Variants in TDRP observed in about 807,000 individuals in gnomAD.
TDRP encodes the protein testis development related protein.
In TDRP, 12 loss-of-function variants were observed where a neutral mutation model predicts 10.5. The observed-to-expected ratio is 1.15, with a 90% CI of 0.73 to 1.86. The LOEUF (loss-of-function observed/expected upper bound fraction) is 1.86, where lower values mean the gene tolerates loss of function less well. Among genes scored for constraint, TDRP ranks in the 40% most tolerant of loss-of-function variants. The probability of loss-of-function intolerance (pLI) is 0.00; values close to 1 mark genes in which losing one functional copy is unlikely to be tolerated. For synonymous variants in TDRP, 139 were observed against 95.4 expected (o/e 1.46, Z -2.67); for missense variants, 353 against 229.2 (o/e 1.54, Z -3.49).
At chr8:497,851 C>T (rs1176697114) in intron 1 of TDRP, among the ~76,000 whole-genome samples, 1 of 152,182 alleles carries the variant, frequency 6.6e-6, no homozygotes, top group Non-Finnish European at 1.5e-5. Flanking sequence ...GCCGCTCCAC[C>T]TCCCGCAGTG....
intron 1 of TDRP, among the ~76,000 whole-genome samples, chr8:538,406 C>T (rs544287987): frequency 2.1e-3 from 316 of 152,296 alleles, no homozygotes; most frequent in Non-Finnish European, 3.3e-3. Context: ...GTGTAGCCTT[C>T]CCGGTCCCTC....
At chr8:534,348 G>A (rs550205927) in intron 1 of TDRP, among the ~76,000 whole-genome samples, 2 of 152,298 alleles carry the variant, frequency 1.3e-5, no homozygotes, top group East Asian at 3.9e-4. Context: ...TAGGGTTCCC[G>A]CGAGCCTCTG....
intron 1 of TDRP, among the ~76,000 whole-genome samples, chr8:539,380 T>A (rs1411704942): frequency 6.6e-6 from 1 of 152,194 alleles, no homozygotes; most frequent in African/African-American, 2.4e-5. Flanking sequence ...ATTTAAAACT[T>A]CCAGCCTCTG....
chr8:494,700 G>C, intron 1 of TDRP, 103 bp from the exon 2 acceptor site: 1 of 1,009,924 alleles, frequency 9.9e-7, no homozygotes, highest in Non-Finnish European at 1.5e-6. Flanking sequence ...AAAAAGAATT[G>C]GCAGAGCTTA....
intron 1 of TDRP, among the ~76,000 whole-genome samples, chr8:540,925 G>GT (rs1373074666): frequency 1.3e-5 from 2 of 151,978 alleles, no homozygotes; most frequent in African/African-American, 4.8e-5. Context: ...CAACCTGCAC[G>GT]TTTAACATCA....
At position 492,564 on chromosome 8, in the gene TDRP, T is replaced by G; in HGVS notation, c.393A>C (p.Pro131=). The G allele has an allele frequency of 1.9e-6, 3 of 1,613,284 alleles. No homozygotes were observed. The highest frequency in any genetic ancestry group is 2.5e-6 in the Non-Finnish European group (3 of 1,179,472). ...ADPEDTVGGH[P]SWSGWEDDAK... ...CGTCATCCTCCCAGCCTGACCAGGATGGGTGGCCACCCACGGTGTCCTCAG... is the reference window on the plus strand; with the variant it reads ...CGTCATCCTCCCAGCCTGACCAGGAGGGGTGGCCACCCACGGTGTCCTCAG... The change falls in exon 3 of 3, where the codon CCA becomes CCC. Residue 131 remains proline, a synonymous_variant. Transcript: ENST00000324079.
chr8:491,671 C>G lies in TDRP; in HGVS notation c.*728G>C, dbSNP rs559432066. The G allele has an allele frequency of 3.9e-5, 59 of 1,513,384 alleles. No homozygotes were observed. In the Admixed American group the frequency reaches 1.2e-3, roughly 31 times the overall value. The allele number at this position is 1,513,384 out of a possible 1,614,324, so 93.7% of individuals were successfully genotyped here. ...TAAAATTGATCCATACTTCTTTAAT[C>G]TGTAAACAAAAAAGAGAGCAAATGT... On this transcript the variant is annotated 3_prime_UTR_variant, in exon 3 of 3. Transcript: ENST00000324079.
intron 1 of TDRP, among the ~76,000 whole-genome samples, chr8:517,475 C>G (rs1451102978): frequency 6.6e-6 from 1 of 152,182 alleles, no homozygotes; most frequent in African/African-American, 2.4e-5. Flanking sequence ...AGAACCTGGG[C>G]TTCCACAACC....
At chr8:529,420 T>C (rs1208300805) in intron 1 of TDRP, among the ~76,000 whole-genome samples, 1 of 152,230 alleles carries the variant, frequency 6.6e-6, no homozygotes, top group Non-Finnish European at 1.5e-5. Context: ...ACCATTACTA[T>C]ATTATAGGAT....
Position 492,498 on chromosome 8 carries a change from G to A in TDRP, c.459C>T (p.Ala153=), listed in dbSNP as rs1301165281. 3 of 1,610,442 alleles carry A rather than the reference G, an allele frequency of 1.9e-6. No homozygotes were observed. Among genetic ancestry groups the A allele is most frequent in the Non-Finnish European group, 2.5e-6 (3 of 1,178,092 alleles). The change falls in exon 3 of 3, where the codon GCC becomes GCT. Residue 153 remains alanine (A), a synonymous_variant. Transcript: ENST00000324079. ...CGCGCAGGCTCCACCTGGAGCTGTT[G>A]GCAGAGCTGGCCAGGCTGGTGTACT... ...STKYTSLASS[A]NSSRWSLRAA...
chr8:542,084 A>C (rs2116885210), intron 1 of TDRP, among the ~76,000 whole-genome samples: 1 of 152,334 alleles, frequency 6.6e-6, no homozygotes, highest in South Asian at 2.1e-4. Flanking sequence ...TCAGTGCTAA[A>C]AAGAAACGAG....
chr8:520,605 T>C (rs1174569579), intron 1 of TDRP, among the ~76,000 whole-genome samples: 4 of 152,244 alleles, frequency 2.6e-5, no homozygotes, highest in African/African-American at 9.6e-5. Context: ...TTGGTTACAC[T>C]GGTTATTTTG....
At chr8:508,140 A>G (rs1228075163) in intron 1 of TDRP, among the ~76,000 whole-genome samples, 2 of 152,242 alleles carry the variant, frequency 1.3e-5, no homozygotes, top group Non-Finnish European at 2.9e-5. Context: ...GCAATGTTGC[A>G]TCAAAGAGAG....
rs529995061 is a variant in TDRP, at chr8:491,322, C to G, written c.*1077G>C. ...ACCTTTTCTTTCAAACCACTTTTAT[C>G]TAAGAGATATCTGCAGGACTTGCTG... On this transcript the variant is annotated 3_prime_UTR_variant, in exon 3 of 3. Coordinates refer to ENST00000324079, the MANE Select transcript of TDRP (RefSeq NM_001384899.1). 6.2e-6 allele frequency: 2 copies of G among 323,388 alleles called. No individual in the cohort carries two copies. Among genetic ancestry groups the G allele is most frequent in the Non-Finnish European group, 5.6e-6 (1 of 179,328 alleles). The allele number at this position is 323,388 out of a possible 1,614,324, so 20.0% of individuals were successfully genotyped here.
At chr8:529,502 C>T (rs1479894317) in intron 1 of TDRP, among the ~76,000 whole-genome samples, 1 of 152,122 alleles carries the variant, frequency 6.6e-6, no homozygotes, top group East Asian at 1.9e-4. Flanking sequence ...ATTTAGCATC[C>T]TTTCACTTCA....
Position 491,849 on chromosome 8 carries a change from A to T in TDRP, c.*550T>A, listed in dbSNP as rs1405436873. On this transcript the variant is annotated 3_prime_UTR_variant, in exon 3 of 3. Coordinates refer to ENST00000324079, the MANE Select transcript of TDRP (RefSeq NM_001384899.1). The stretch of plus-strand genomic sequence containing the variant: ...CATTTTAAGATACATTTTACTCCCA[A>T]ATATAAGCTTTGCTTTTCCAGTATT... 2.5e-6 allele frequency: 3 copies of T among 1,224,264 alleles called. No individual in the cohort carries two copies. Among genetic ancestry groups the T allele is most frequent in the African/African-American group, 1.6e-5 (1 of 64,260 alleles). The allele number at this position is 1,224,264 out of a possible 1,614,324, so 75.8% of individuals were successfully genotyped here.
intron 1 of TDRP, among the ~76,000 whole-genome samples, chr8:512,993 G>C (rs1801659381): frequency 6.6e-6 from 1 of 151,046 alleles, no homozygotes; most frequent in Admixed American, 6.6e-5. Flanking sequence ...AAACAAGGTG[G>C]AGAAATTGAA....
At chr8:545,257 A>T (rs961279956), upstream of TDRP, among the ~76,000 whole-genome samples, 1 of 11,484 alleles carries the variant, frequency 8.7e-5, no homozygotes, top group Non-Finnish European at 1.7e-4. Flanking sequence ...ACCCCCACCT[A>T]CCCGCCCCTA....
At chr8:504,589 G>A (rs966536395) in intron 1 of TDRP, among the ~76,000 whole-genome samples, 6 of 152,198 alleles carry the variant, frequency 3.9e-5, no homozygotes, top group African/African-American at 1.2e-4. Flanking sequence ...AGTGCAAACC[G>A]TAAAACCACT....
Sources: gnomAD v4.1 joint callset for allele counts (sites outside exome capture counted in the v4.1 genomes callset) on GRCh38, gnomAD v4.1.1 for gene constraint, MANE v1.5 for transcripts, NCBI Gene and HGNC (gene_info 2026-07-23, HGNC 2026-07-21) for gene names.